The following TCF20 variants were observed in gnomAD, a reference collection of about 807,000 sequenced individuals.
TCF20 encodes the protein transcription factor 20.
A neutral mutation model predicts 148.6 loss-of-function variants in TCF20; 3 were observed. The ratio of observed to expected loss-of-function variants is 0.02; its 90% CI spans 0.01 to 0.05. TCF20 has a LOEUF of 0.05. TCF20 is among the 10% of genes least tolerant of loss of function. The pLI is 1.00. For missense variants in TCF20, 2,350 were observed against 2,429.3 expected (o/e 0.97, Z 0.69); for synonymous variants, 1,049 against 909.5 (o/e 1.15, Z -2.76).
chr22:42,207,931 G>C (rs1211668217), intron 2 of TCF20, among the ~76,000 whole-genome samples: 1 of 152,380 alleles, frequency 6.6e-6, no homozygotes, highest in East Asian at 1.9e-4. Context: ...GCTCACGCCT[G>C]TAATTCCAGC....
chr22:42,191,635 CT>C (rs1381706070), intron 2 of TCF20, among the ~76,000 whole-genome samples: 1 of 152,150 alleles, frequency 6.6e-6, no homozygotes, highest in African/African-American at 2.4e-5. Flanking sequence ...TAAAATAATC[CT>C]AATCAGAGGG....
intron 1 of TCF20, among the ~76,000 whole-genome samples, chr22:42,277,291 T>C (rs1033939386): frequency 6.6e-6 from 1 of 152,244 alleles, no homozygotes; most frequent in African/African-American, 2.4e-5. Flanking sequence ...TGACAAGCAT[T>C]GATCCCAAGG....
chr22:42,270,917 C>T (rs1038202617), upstream of TCF20, among the ~76,000 whole-genome samples: 1 of 151,934 alleles, frequency 6.6e-6, no homozygotes, highest in Admixed American at 6.6e-5. Flanking sequence ...CGCCCAGTGC[C>T]ATCTTGGCCT....
chr22:42,250,254 T>A (rs1925251532), intron 1 of TCF20, among the ~76,000 whole-genome samples: 2 of 152,026 alleles, frequency 1.3e-5, no homozygotes, highest in Non-Finnish European at 2.9e-5. Context: ...GCCTGGCCAA[T>A]ACGGTGAAAT....
At position 42,215,121 on chromosome 22, in the gene TCF20, G is replaced by C; in HGVS notation, c.185C>G (p.Ala62Gly). The change falls in exon 2 of 6, where the codon GCA (alanine) becomes GGA (glycine). Residue 62 changes from alanine to glycine, a missense_variant. Coordinates refer to ENST00000677622, the MANE Select transcript of TCF20 (RefSeq NM_001378418.1). The stretch of plus-strand genomic sequence containing the variant: ...AGCCATCGCTGCCGCAGCAGCTGCT[G>C]CTCCTCGTCGTCCACCACCACTGCC... Reference protein sequence around the residue: ...GSGSGGGRRGAAAAAAAMASE... With the variant: ...GSGSGGGRRGGAAAAAAMASE... The C allele has an allele frequency of 1.2e-6, 2 of 1,614,110 alleles. No homozygotes were observed. Among genetic ancestry groups the C allele is most frequent in the Non-Finnish European group, 1.7e-6 (2 of 1,179,994 alleles).
upstream of TCF20, among the ~76,000 whole-genome samples, chr22:42,284,146 G>T (rs1400397903): frequency 1.3e-5 from 2 of 152,072 alleles, no homozygotes; most frequent in African/African-American, 2.4e-5. Context: ...GGAGGGAGGG[G>T]AGCACCCGAT....
At position 42,215,158 on chromosome 22, in the gene TCF20, T is replaced by C. The variant is rs373187841; in HGVS notation, c.148A>G (p.Ser50Gly). Residue 50 changes from serine to glycine, a missense_variant, in exon 2 of 6, where the codon AGC (serine) becomes GGC (glycine). Ser to Gly is a moderately conservative substitution (Grantham distance 56). Coordinates refer to ENST00000677622, the MANE Select transcript of TCF20 (RefSeq NM_001378418.1). ...CCACCACCACTGCCACTGCCACTGC[T>C]GCCACTACTGCCACCTGTACCTCCA... Reference protein sequence around the residue: ...NFGGTGGSSGSSGSGSGGGRR... With the variant: ...NFGGTGGSSGGSGSGSGGGRR... 2.1e-5 allele frequency: 34 copies of C among 1,613,750 alleles called. No individual in the cohort carries two copies. Among genetic ancestry groups the C allele is most frequent in the African/African-American group, 1.3e-4 (10 of 74,918 alleles).
chr22:42,235,323 A>G (rs1397137606), intron 1 of TCF20, among the ~76,000 whole-genome samples: 1 of 152,148 alleles, frequency 6.6e-6, no homozygotes, highest in Non-Finnish European at 1.5e-5. Flanking sequence ...CAGTAACCAT[A>G]AAACTTTCCT....
At chr22:42,313,960 T>C (rs1027817090) in intron 1 of TCF20, among the ~76,000 whole-genome samples, 6 of 152,212 alleles carry the variant, frequency 3.9e-5, no homozygotes, top group African/African-American at 1.4e-4. Context: ...CCTGGAATGC[T>C]CTTTCCCAAG....
intron 2 of TCF20, among the ~76,000 whole-genome samples, chr22:42,196,141 G>A (rs1038711514): frequency 6.6e-6 from 1 of 152,340 alleles, no homozygotes; most frequent in African/African-American, 2.4e-5. Flanking sequence ...TAAGGTCTCA[G>A]AGGTCTGTCC....
In TCF20 at chr22:42,174,260, A is replaced by C. The variant is rs138999961; in HGVS notation, c.5750-4364T>G. Among the ~76,000 whole-genome samples, 91 of 152,306 alleles carry C rather than the reference A, an allele frequency of 6.0e-4. No homozygotes were observed. The Middle Eastern group carries it at 0.017, about 28-fold the overall frequency. On this transcript the variant is annotated intron_variant, in intron 3 of 5. Transcript: ENST00000677622. The stretch of plus-strand genomic sequence containing the variant: ...CATTTCCTCAGTCCCACTAGCACTC[A>C]ATGATCACATCTGGTTTGTGGTTAC...
chr22:42,200,590 C>T (rs146762836), intron 2 of TCF20, among the ~76,000 whole-genome samples: 2,050 of 142,676 alleles, frequency 0.014, 45 homozygotes, highest in African/African-American at 0.051. Flanking sequence ...TGCAGTGAGC[C>T]GAGAACGTGC....
At chr22:42,170,010 T>G in intron 3 of TCF20, 114 bp from the exon 4 acceptor site, 1 of 964,000 alleles carries the variant, frequency 1.0e-6, no homozygotes, top group South Asian at 1.5e-5. Flanking sequence ...CTACACTTAC[T>G]TCTAATAGGA....
chr22:42,270,709 G>C (rs1926570884), upstream of TCF20, among the ~76,000 whole-genome samples: 1 of 143,962 alleles, frequency 6.9e-6, no homozygotes, highest in South Asian at 2.1e-4. Context: ...GCGGCGCGCG[G>C]GCGGGCGGGA....
At chr22:42,327,060 C>T (rs1264976465) in intron 1 of TCF20, among the ~76,000 whole-genome samples, 1 of 152,194 alleles carries the variant, frequency 6.6e-6, no homozygotes, top group Non-Finnish European at 1.5e-5. Context: ...AGGCACTTCT[C>T]CAAGAGACTC....
chr22:42,221,008 C>T (rs2147245772), intron 1 of TCF20, among the ~76,000 whole-genome samples: 1 of 152,304 alleles, frequency 6.6e-6, no homozygotes, highest in East Asian at 1.9e-4. Flanking sequence ...TAATCTTCTG[C>T]ATTGTTGTCA....
intron 1 of TCF20, among the ~76,000 whole-genome samples, chr22:42,324,060 G>T (rs986587537): frequency 1.6e-5 from 1 of 61,910 alleles, no homozygotes; most frequent in Non-Finnish European, 4.0e-5. Context: ...TGGTGGTGGT[G>T]ATGGAGGTTA....
chr22:42,201,266 C>A (rs547627663), intron 2 of TCF20, among the ~76,000 whole-genome samples: 1 of 152,198 alleles, frequency 6.6e-6, no homozygotes, highest in Non-Finnish European at 1.5e-5. Flanking sequence ...TTTCTTCATA[C>A]ATCACCCAGC....
chr22:42,264,855 C>T (rs942921001), intron 1 of TCF20, among the ~76,000 whole-genome samples: 1 of 152,214 alleles, frequency 6.6e-6, no homozygotes, highest in Non-Finnish European at 1.5e-5. Flanking sequence ...TGCAAATTAG[C>T]ACACACATGC....
Sources: allele counts gnomAD v4.1 joint callset (sites outside exome capture counted in the v4.1 genomes callset), GRCh38; gene constraint gnomAD v4.1.1; transcripts MANE v1.5; gene names NCBI Gene and HGNC (gene_info 2026-07-23, HGNC 2026-07-21).